The following MCF2L2 variants were observed in gnomAD, a reference collection of about 807,000 sequenced individuals.
The protein encoded by MCF2L2 is probable guanine nucleotide exchange factor MCF2L2.
MCF2L2 carries 102 observed loss-of-function variants against 150.2 expected under a neutral mutation model. The ratio of observed to expected loss-of-function variants is 0.68; its 90% CI spans 0.58 to 0.80. The LOEUF (loss-of-function observed/expected upper bound fraction) is 0.80, where lower values mean the gene tolerates loss of function less well. Among genes scored for constraint, MCF2L2 ranks in the 30% least tolerant of loss-of-function variants. The pLI is 0.00. For missense variants in MCF2L2, 1,256 were observed against 1,372.8 expected (o/e 0.91, Z 1.34); for synonymous variants, 465 against 491.3 (o/e 0.95, Z 0.71).
chr3:183,272,335 GTGAC>G, intron 15 of MCF2L2: 5 of 1,000,248 alleles, frequency 5.0e-6, no homozygotes, highest in Non-Finnish European at 6.0e-6. Flanking sequence ...TTCAGCAAGA[GTGAC>G]TGAACTCACT....
At chr3:183,198,931 T>C (rs1225225989) in intron 25 of MCF2L2, among the ~76,000 whole-genome samples, 1 of 152,166 alleles carries the variant, frequency 6.6e-6, no homozygotes, top group African/African-American at 2.4e-5. Flanking sequence ...ATGACATATA[T>C]TTAACATAAT....
intron 27 of MCF2L2, 94 bp downstream of exon 27, chr3:183,192,905 G>C: frequency 7.0e-6 from 6 of 855,042 alleles, no homozygotes; most frequent in Non-Finnish European, 1.1e-5. Flanking sequence ...AACTAAAGAA[G>C]GGCTGGGCCC....
In MCF2L2 at chr3:183,338,871, G is replaced by A. The variant is rs778618941; in HGVS notation, c.415C>T (p.Arg139Cys). ...TCAGTGAATGTCCTCTGGATAAAGC[G>A]AGATGGACGAAGGATGAATATGAGC... ...LQLIFILRPS[R>C]FIQRTFTDIG... Residue 139 changes from arginine to cysteine, a missense_variant, in exon 5 of 30, where the codon CGC becomes TGC. Arg to Cys is a radical substitution (Grantham distance 180). Coordinates refer to ENST00000328913, the MANE Select transcript of MCF2L2 (RefSeq NM_015078.4). The A allele has an allele frequency of 2.4e-5, 39 of 1,607,516 alleles. No individual in the cohort carries two copies. In the Middle Eastern group the frequency reaches 9.9e-4, roughly 41 times the overall value.
In MCF2L2 at chr3:183,295,446, T is replaced by A; in HGVS notation, c.1529A>T (p.Asp510Val). The A allele has an allele frequency of 6.2e-7, 1 of 1,614,054 alleles. No individual in the cohort carries two copies. Among genetic ancestry groups the A allele is most frequent in the Non-Finnish European group, 8.5e-7 (1 of 1,180,002 alleles). The change falls in exon 13 of 30, where the codon GAT (aspartate) becomes GTT (valine). Residue 510 changes from aspartate to valine, a missense_variant. Coordinates refer to ENST00000328913, the MANE Select transcript of MCF2L2 (RefSeq NM_015078.4). ...AKAQKVLQRLDDVQEIFHKRQ... is the reference protein window; with the variant it reads ...AKAQKVLQRLVDVQEIFHKRQ... ...CTTGTGAAATATTTCCTGGACATCATCCAGCCTCTGCAAAACTTTCTGGGC... is the reference window on the plus strand; with the variant it reads ...CTTGTGAAATATTTCCTGGACATCAACCAGCCTCTGCAAAACTTTCTGGGC...
rs191231679 is a variant in MCF2L2, at chr3:183,283,257, A to G, written c.1776+5863T>C. ...ACCACTGATGTCTCAGCTGACTGTGACAACTGCCAGCGGCTGGTCAGCCTG... is the reference window on the plus strand; with the variant it reads ...ACCACTGATGTCTCAGCTGACTGTGGCAACTGCCAGCGGCTGGTCAGCCTG... On this transcript the variant is annotated intron_variant, in intron 14 of 29. Coordinates refer to ENST00000328913, the MANE Select transcript of MCF2L2 (RefSeq NM_015078.4). The surrounding 1 kb of genome is among the most constrained non-coding windows in gnomAD (Gnocchi z 4.2). 3.3e-3 allele frequency among the ~76,000 whole-genome samples: 503 copies of G among 152,304 alleles called. 4 individuals carry two copies. The highest frequency in any genetic ancestry group is 0.012 in the African/African-American group (484 of 41,558).
At chr3:183,232,070 A>G (rs1723582945) in intron 15 of MCF2L2, among the ~76,000 whole-genome samples, 1 of 152,156 alleles carries the variant, frequency 6.6e-6, no homozygotes, top group South Asian at 2.1e-4. Context: ...ATGAACTCAG[A>G]TCTATATGGG....
At chr3:183,186,778 A>G (rs1040030610) in intron 27 of MCF2L2, among the ~76,000 whole-genome samples, 2 of 151,772 alleles carry the variant, frequency 1.3e-5, no homozygotes, top group East Asian at 3.9e-4. Context: ...GCTGGTCTCA[A>G]GCTCCTGGAT....
At chr3:183,288,073 A>C (rs1727896180) in intron 14 of MCF2L2, among the ~76,000 whole-genome samples, 1 of 152,232 alleles carries the variant, frequency 6.6e-6, no homozygotes, top group South Asian at 2.1e-4. Context: ...TTCACAATTA[A>C]ATACACTTCA....
chr3:183,422,269 C>G (rs1715924569), intron 1 of MCF2L2, among the ~76,000 whole-genome samples: 1 of 152,184 alleles, frequency 6.6e-6, no homozygotes, highest in Admixed American at 6.5e-5. Context: ...CCATTGTATT[C>G]AAGAGTGCCT....
chr3:183,342,732 T>C (rs1730754258), intron 3 of MCF2L2, among the ~76,000 whole-genome samples: 1 of 151,866 alleles, frequency 6.6e-6, no homozygotes, highest in Admixed American at 6.6e-5. Flanking sequence ...GGTAATACTG[T>C]ATAAGCACTA....
At position 183,207,685 on chromosome 3, in the gene MCF2L2, T is replaced by C. The variant is rs373983056; in HGVS notation, c.2635A>G (p.Ile879Val). 1 of 1,614,204 alleles carries C rather than the reference T, an allele frequency of 6.2e-7. No homozygotes were observed. Among genetic ancestry groups the C allele is most frequent in the Non-Finnish European group, 8.5e-7 (1 of 1,179,996 alleles). ...QRQIYLFERG[I>V]VFCKIRMEPG... ...TCCATTCGTATCTTACAGAACACTA[T>C]TCCCCTTTCAAATAGGTAGATTTGC... Residue 879 changes from isoleucine to valine, a missense_variant, in exon 23 of 30, where the codon ATA becomes GTA. Physicochemically the swap from Ile to Val is conservative, Grantham distance 29. Coordinates refer to ENST00000328913, the MANE Select transcript of MCF2L2 (RefSeq NM_015078.4).
At chr3:183,381,069 T>A (rs1053766196) in intron 2 of MCF2L2, among the ~76,000 whole-genome samples, 4 of 152,002 alleles carry the variant, frequency 2.6e-5, no homozygotes, top group African/African-American at 9.7e-5. Context: ...ATTGAGAGGG[T>A]TTGGGAACCT....
chr3:183,326,218 G>T (rs73070011), intron 5 of MCF2L2, among the ~76,000 whole-genome samples: 1 of 151,898 alleles, frequency 6.6e-6, no homozygotes, highest in Non-Finnish European at 1.5e-5. Context: ...GAGGCTGGGC[G>T]CAGTGACTCA....
chr3:183,215,250 C>G (rs1407085509), intron 22 of MCF2L2, among the ~76,000 whole-genome samples: 1 of 152,094 alleles, frequency 6.6e-6, no homozygotes, highest in Non-Finnish European at 1.5e-5. Context: ...AGCCACCAAG[C>G]TTATGGTAAT....
At chr3:183,255,585 C>T (rs1401937557) in intron 15 of MCF2L2, among the ~76,000 whole-genome samples, 1 of 152,076 alleles carries the variant, frequency 6.6e-6, no homozygotes, top group African/African-American at 2.4e-5. Context: ...CAGGAAAGGC[C>T]CAAGCCAAAG....
chr3:183,239,260 C>G (rs908168295), intron 15 of MCF2L2, among the ~76,000 whole-genome samples: 3 of 152,060 alleles, frequency 2.0e-5, no homozygotes, highest in Non-Finnish European at 2.9e-5. Context: ...CTTTGCTTTA[C>G]GTTTCAAAAC....
intron 3 of MCF2L2, among the ~76,000 whole-genome samples, chr3:183,345,860 A>C (rs763224174): frequency 2.6e-5 from 4 of 152,198 alleles, no homozygotes; most frequent in Non-Finnish European, 4.4e-5. Context: ...CCCTCCCAAG[A>C]CTAAACCAGG....
In MCF2L2 at chr3:183,317,375, T is replaced by C. The variant is rs537114997; in HGVS notation, c.753+693A>G. 5.3e-5 allele frequency among the ~76,000 whole-genome samples: 8 copies of C among 152,172 alleles called. No individual in the cohort carries two copies. The South Asian group carries it at 1.5e-3, about 28-fold the overall frequency. On this transcript the variant is annotated intron_variant, in intron 7 of 29. Coordinates refer to ENST00000328913, the MANE Select transcript of MCF2L2 (RefSeq NM_015078.4). ...TTCGTTCTGTTTGTGCTTCTCAAGG[T>C]AGAAAGGTGCCAACACTCATCCAGG...
At chr3:183,390,644 G>A (rs1284186115) in intron 1 of MCF2L2, among the ~76,000 whole-genome samples, 1 of 152,120 alleles carries the variant, frequency 6.6e-6, no homozygotes, top group African/African-American at 2.4e-5. Flanking sequence ...GAATAAACTG[G>A]TGGCTGGGTA....
Sources: gnomAD v4.1 joint callset for allele counts (sites outside exome capture counted in the v4.1 genomes callset) on GRCh38, gnomAD v4.1.1 for gene constraint, Gnocchi (gnomAD v3.1) non-coding constraint, MANE v1.5 for transcripts, NCBI Gene and HGNC (gene_info 2026-07-23, HGNC 2026-07-21) for gene names.